The following ERC2 variants were observed in gnomAD, a reference collection of about 807,000 sequenced individuals.
The protein encoded by ERC2 is ERC protein 2.
A neutral mutation model predicts 114.8 loss-of-function variants in ERC2; 42 were observed. The observed-to-expected ratio is 0.37, with a 90% CI of 0.29 to 0.47. The LOEUF (loss-of-function observed/expected upper bound fraction) is 0.47, where lower values mean the gene tolerates loss of function less well. ERC2 is among the 20% of genes least tolerant of loss of function. The pLI is 0.99. For synonymous variants in ERC2, 454 were observed against 425.5 expected, an observed-to-expected ratio of 1.07 and a Z score of -0.82; for missense variants, 939 against 1,150.7, an observed-to-expected ratio of 0.82 and a Z score of 2.66.
chr3:56,246,462 T>TA (rs1351627075), intron 3 of ERC2, among the ~76,000 whole-genome samples: 2 of 152,212 alleles, frequency 1.3e-5, no homozygotes, highest in African/African-American at 2.4e-5. Flanking sequence ...CTAAACTTTT[T>TA]AGTTTCATTT....
intron 3 of ERC2, among the ~76,000 whole-genome samples, chr3:56,273,313 G>A (rs2053783747): frequency 6.9e-6 from 1 of 144,622 alleles, no homozygotes; most frequent in Non-Finnish European, 1.5e-5. Context: ...CCAGGCCAGA[G>A]TACAGTGGTG....
intron 3 of ERC2, among the ~76,000 whole-genome samples, chr3:56,244,184 C>G (rs929426275): frequency 6.6e-6 from 1 of 152,118 alleles, no homozygotes; most frequent in African/African-American, 2.4e-5. Flanking sequence ...GTGACATCAT[C>G]GCCTTCGTGA....
At chr3:56,286,653 A>T (rs2054739021) in intron 3 of ERC2, among the ~76,000 whole-genome samples, 1 of 152,128 alleles carries the variant, frequency 6.6e-6, no homozygotes, top group Non-Finnish European at 1.5e-5. Context: ...GATAGTAAAT[A>T]CTTTAGGCTT....
intron 17 of ERC2, among the ~76,000 whole-genome samples, chr3:55,630,969 G>C (rs2059731817): frequency 6.6e-6 from 1 of 151,848 alleles, no homozygotes; most frequent in African/African-American, 2.4e-5. Context: ...AAAAAAAATA[G>C]ATGGAAAGAA....
At chr3:55,898,394 G>A (rs1213600289) in intron 13 of ERC2, among the ~76,000 whole-genome samples, 7 of 152,158 alleles carry the variant, frequency 4.6e-5, no homozygotes, top group African/African-American at 1.4e-4. Context: ...TTCTTGAGAA[G>A]CAGTATAGGG....
At chr3:56,065,505 C>A (rs866731542) in intron 7 of ERC2, among the ~76,000 whole-genome samples, 8 of 151,674 alleles carry the variant, frequency 5.3e-5, no homozygotes, top group Non-Finnish European at 7.4e-5. Context: ...GATATTCTGA[C>A]ATGGACTACT....
At chr3:55,536,923 T>G (rs2054035553) in intron 17 of ERC2, among the ~76,000 whole-genome samples, 1 of 152,202 alleles carries the variant, frequency 6.6e-6, no homozygotes, top group Non-Finnish European at 1.5e-5. Flanking sequence ...CTAAGAACTT[T>G]CGCCACATAT....
intron 4 of ERC2, among the ~76,000 whole-genome samples, chr3:56,168,703 C>A (rs951972709): frequency 9.9e-5 from 15 of 152,190 alleles, no homozygotes; most frequent in African/African-American, 3.4e-4. Flanking sequence ...TGGAACTAAA[C>A]AGGCTAAATT....
At chr3:56,212,071 C>CA (rs557521095) in intron 3 of ERC2, among the ~76,000 whole-genome samples, 11 of 150,760 alleles carry the variant, frequency 7.3e-5, no homozygotes, top group South Asian at 2.1e-4. Flanking sequence ...AAAGCAAACT[C>CA]AAAAAAAACA....
intron 10 of ERC2, among the ~76,000 whole-genome samples, chr3:55,993,216 T>C (rs1234449850): frequency 6.6e-6 from 1 of 152,188 alleles, no homozygotes; most frequent in African/African-American, 2.4e-5. Context: ...TATACAACAG[T>C]GCACATTCAA....
intron 6 of ERC2, among the ~76,000 whole-genome samples, chr3:56,095,256 T>C (rs932152082): frequency 3.9e-5 from 6 of 152,048 alleles, no homozygotes; most frequent in South Asian, 4.1e-4. Context: ...AATATAGATA[T>C]ATGAAAAAAT....
chr3:55,833,439 A>G (rs1364078083), intron 14 of ERC2, among the ~76,000 whole-genome samples: 1 of 151,952 alleles, frequency 6.6e-6, no homozygotes, highest in Non-Finnish European at 1.5e-5. Context: ...GCCAGAAGAG[A>G]GTGGGGGCCA....
intron 17 of ERC2, among the ~76,000 whole-genome samples, chr3:55,598,632 T>C (rs778261245): frequency 2.0e-5 from 3 of 152,254 alleles, no homozygotes; most frequent in Non-Finnish European, 4.4e-5. Context: ...CTTCCAGAGA[T>C]GCACCACTGT....
At chr3:56,178,204 G>T (rs2083085020) in intron 3 of ERC2, among the ~76,000 whole-genome samples, 1 of 152,250 alleles carries the variant, frequency 6.6e-6, no homozygotes, top group Non-Finnish European at 1.5e-5. Flanking sequence ...TCAGAATAAT[G>T]TTCACACACC....
chr3:55,894,974 C>T (rs1464930683), intron 13 of ERC2, among the ~76,000 whole-genome samples: 2 of 152,210 alleles, frequency 1.3e-5, no homozygotes. Flanking sequence ...CATACACATG[C>T]ACATATACCC....
intron 14 of ERC2, among the ~76,000 whole-genome samples, chr3:55,746,517 C>T (rs1478753693): frequency 6.6e-6 from 1 of 152,126 alleles, no homozygotes; most frequent in South Asian, 2.1e-4. Context: ...GCTGAGATTA[C>T]AGGCATGAGC....
At chr3:56,076,182 C>T (rs1351543607) in intron 7 of ERC2, among the ~76,000 whole-genome samples, 1 of 152,096 alleles carries the variant, frequency 6.6e-6, no homozygotes, top group African/African-American at 2.4e-5. Flanking sequence ...TGTTTTTCTA[C>T]CTTTAATAAA....
intron 2 of ERC2, among the ~76,000 whole-genome samples, chr3:56,347,456 C>G (rs532018675): frequency 6.6e-6 from 1 of 152,084 alleles, no homozygotes; most frequent in South Asian, 2.1e-4. Flanking sequence ...CTGTCTGATT[C>G]CTATTGGCTT....
intron 1 of ERC2, among the ~76,000 whole-genome samples, chr3:56,464,287 G>A (rs1455466244): frequency 6.6e-6 from 1 of 152,208 alleles, no homozygotes; most frequent in East Asian, 1.9e-4. Context: ...AGTGACATTT[G>A]CTCGTGTAGT....
Sources: allele counts gnomAD v4.1 joint callset (sites outside exome capture counted in the v4.1 genomes callset), GRCh38; gene constraint gnomAD v4.1.1; transcripts MANE v1.5; gene names NCBI Gene and HGNC (gene_info 2026-07-23, HGNC 2026-07-21).